Variants in NT5C2 observed in about 807,000 individuals in gnomAD.
The protein encoded by NT5C2 is 5'-nucleotidase, cytosolic II, also known as cytosolic purine 5'-nucleotidase.
A neutral mutation model predicts 76.1 loss-of-function variants in NT5C2; 58 were observed. That is an observed-to-expected ratio of 0.76 (90% confidence interval 0.62 to 0.95). The LOEUF (loss-of-function observed/expected upper bound fraction) is 0.95. NT5C2 is among the 40% of genes least tolerant of loss of function. The pLI is 0.00. For synonymous variants in NT5C2, 229 were observed against 237.4 expected (o/e 0.96, Z 0.32); for missense variants, 478 against 690.3 (o/e 0.69, Z 3.45).
intron 3 of NT5C2, among the ~76,000 whole-genome samples, chr10:103,156,577 G>A (rs187682526): frequency 6.0e-5 from 9 of 150,054 alleles, no homozygotes; most frequent in South Asian, 2.1e-4. Context: ...CCAACGTGGC[G>A]AAACCCCATC....
At chr10:103,115,169 G>A (rs941076428) in intron 4 of NT5C2, among the ~76,000 whole-genome samples, 1 of 152,226 alleles carries the variant, frequency 6.6e-6, no homozygotes, top group African/African-American at 2.4e-5. Flanking sequence ...GGGAGGCCGA[G>A]GCAGGTGGAC....
At chr10:103,187,093 T>C (rs1029435272) in intron 1 of NT5C2, among the ~76,000 whole-genome samples, 2 of 148,366 alleles carry the variant, frequency 1.3e-5, no homozygotes, top group African/African-American at 5.0e-5. Context: ...CTACTAAAAA[T>C]ACAAAAATTA....
chr10:103,129,617 G>GT (rs2077596815), intron 4 of NT5C2, among the ~76,000 whole-genome samples: 1 of 106,298 alleles, frequency 9.4e-6, no homozygotes, highest in Admixed American at 8.1e-5. Flanking sequence ...CGTCCGGGAG[G>GT]GAGGTGGGGG....
chr10:103,126,320 A>AT lies in NT5C2; in HGVS notation c.175+13085dup, dbSNP rs528427646. 3.7e-4 allele frequency among the ~76,000 whole-genome samples: 57 copies of AT among 152,260 alleles called. No individual in the cohort carries two copies. In the South Asian group the frequency reaches 0.011, roughly 29 times the overall value. ...GGAATTGTAAATAGGCTTGGCAGGT[A>AT]TTTTTTATATAAAACATAGTTGGCC... On this transcript the variant is annotated intron_variant, in intron 4 of 18. Transcript: ENST00000404739.
chr10:103,166,483 A>G (rs1188992308), intron 3 of NT5C2, among the ~76,000 whole-genome samples: 2 of 152,236 alleles, frequency 1.3e-5, no homozygotes, highest in African/African-American at 4.8e-5. Flanking sequence ...TTACTGCTGA[A>G]TAGAATTCCA....
At chr10:103,116,586 T>C (rs1465930685) in intron 4 of NT5C2, among the ~76,000 whole-genome samples, 13 of 133,400 alleles carry the variant, frequency 9.7e-5, no homozygotes, top group South Asian at 2.3e-4. Flanking sequence ...TTTTTTTTTT[T>C]CTTTTTTTTT....
At chr10:103,128,529 C>T (rs1325744016) in intron 4 of NT5C2, among the ~76,000 whole-genome samples, 4 of 96,272 alleles carry the variant, frequency 4.2e-5, no homozygotes, top group Admixed American at 3.0e-4. Context: ...GGCCGCCCAT[C>T]GTCTGGGATG....
chr10:103,110,182 C>CCCAG (rs1053755381), intron 4 of NT5C2, among the ~76,000 whole-genome samples: 2 of 152,126 alleles, frequency 1.3e-5, no homozygotes, highest in East Asian at 3.9e-4. Flanking sequence ...CACCTGTAAT[C>CCCAG]CCAGCACTTA....
At chr10:103,136,707 C>G (rs543788522) in intron 4 of NT5C2, among the ~76,000 whole-genome samples, 13 of 151,922 alleles carry the variant, frequency 8.6e-5, no homozygotes, top group Admixed American at 8.5e-4. Flanking sequence ...TCACTGCAAC[C>G]TCTGCCTCCC....
intron 2 of NT5C2, among the ~76,000 whole-genome samples, chr10:103,179,778 A>G (rs1347665149): frequency 6.6e-6 from 1 of 152,230 alleles, no homozygotes; most frequent in Non-Finnish European, 1.5e-5. Flanking sequence ...TCTGTTTTGC[A>G]TATTATGGTT....
chr10:103,130,899 A>T (rs943717103), intron 4 of NT5C2, among the ~76,000 whole-genome samples: 2 of 152,214 alleles, frequency 1.3e-5, no homozygotes, highest in Non-Finnish European at 2.9e-5. Context: ...AGGAAGACCA[A>T]AAACAGAGTT....
chr10:103,148,854 C>T (rs1313186713), intron 3 of NT5C2, among the ~76,000 whole-genome samples: 2 of 151,932 alleles, frequency 1.3e-5, no homozygotes. Flanking sequence ...AAAATGTACC[C>T]ATATTATATA....
intron 13 of NT5C2, 128 bp downstream of exon 13, chr10:103,094,220 T>G: frequency 1.3e-6 from 1 of 745,244 alleles, no homozygotes; most frequent in Non-Finnish European, 2.2e-6. Context: ...CCAAAACTCT[T>G]AATTTCAAAA....
chr10:103,117,228 GA>G (rs1169519600), intron 4 of NT5C2, among the ~76,000 whole-genome samples: 2 of 152,066 alleles, frequency 1.3e-5, no homozygotes, highest in Non-Finnish European at 2.9e-5. Context: ...CAAAATAACA[GA>G]AACAAAAATG....
In NT5C2 at chr10:103,131,810, T is replaced by A. The variant is rs1055161644; in HGVS notation, c.175+7596A>T. ...GGTGGCTTGCACCTGTATCTCCAGC[T>A]ACTTGGGAAGCTGAAATGGGAGGAT... On this transcript the variant is annotated intron_variant, in intron 4 of 18. Transcript: ENST00000404739. Among the ~76,000 whole-genome samples, 3 of 152,130 alleles carry A rather than the reference T, an allele frequency of 2.0e-5. No individual in the cohort carries two copies. In the East Asian group the frequency reaches 5.8e-4, roughly 29 times the overall value.
chr10:103,120,643 T>A (rs1488027860), intron 4 of NT5C2, among the ~76,000 whole-genome samples: 1 of 152,156 alleles, frequency 6.6e-6, no homozygotes, highest in Non-Finnish European at 1.5e-5. Flanking sequence ...AAAATAAGTA[T>A]TGCCAAGATG....
chr10:103,089,958 T>G, intron 18 of NT5C2, 50 bp from the exon 19 acceptor site: 1 of 1,487,054 alleles, frequency 6.7e-7, no homozygotes, highest in East Asian at 2.3e-5. Flanking sequence ...GCAAAGTAGC[T>G]ACTCCCCAAA....
At position 103,093,746 on chromosome 10, in the gene NT5C2, A is replaced by T. The variant is rs2274341; in HGVS notation, c.988+226T>A. 86,885 of 440,400 alleles carry T rather than the reference A, an allele frequency of 0.2. 7,930 individuals are homozygous for T. The highest frequency in any genetic ancestry group is 0.23 in the Non-Finnish European group (57,726 of 246,676). 27.3% of individuals were successfully genotyped at this position (440,400 alleles called of 1,614,324 possible). On this transcript the variant is annotated intron_variant, in intron 14 of 18. Coordinates refer to ENST00000404739, the MANE Select transcript of NT5C2 (RefSeq NM_001351169.2). Reference sequence around the variant, plus strand: ...TGAGAAAAAGCCTCCAATAGGATTTAAAAAAAAAACTGATCATTTTAGTGA... The same window carrying T: ...TGAGAAAAAGCCTCCAATAGGATTTTAAAAAAAAACTGATCATTTTAGTGA...
chr10:103,111,387 AAAG>A (rs1345086862), intron 4 of NT5C2, among the ~76,000 whole-genome samples: 1 of 152,226 alleles, frequency 6.6e-6, no homozygotes, highest in Non-Finnish European at 1.5e-5. Context: ...ATTAGACTAT[AAAG>A]AAAACAACCA....
Sources: gnomAD v4.1 joint callset for allele counts (sites outside exome capture counted in the v4.1 genomes callset) on GRCh38, gnomAD v4.1.1 for gene constraint, MANE v1.5 for transcripts, NCBI Gene and HGNC (gene_info 2026-07-23, HGNC 2026-07-21) for gene names.